Variants in BCAR3 observed in about 807,000 individuals in gnomAD.
BCAR3 encodes the protein breast cancer anti-estrogen resistance protein 3.
BCAR3 carries 37 observed loss-of-function variants against 80.1 expected under a neutral mutation model. The ratio of observed to expected loss-of-function variants is 0.46; its 90% confidence interval spans 0.36 to 0.61. BCAR3 has a LOEUF of 0.61. Among genes scored for constraint, BCAR3 ranks in the 20% least tolerant of loss-of-function variants. The pLI is 0.00. For synonymous variants in BCAR3, 389 were observed against 418.9 expected, an observed-to-expected ratio of 0.93 and a Z score of 0.87; for missense variants, 978 against 1,068.2, an observed-to-expected ratio of 0.92 and a Z score of 1.18.
intron 2 of BCAR3, among the ~76,000 whole-genome samples, chr1:93,826,263 C>T (rs528232127): frequency 1.3e-5 from 2 of 152,234 alleles, no homozygotes; most frequent in African/African-American, 4.8e-5. Flanking sequence ...CTGAAAACAC[C>T]AGGCCCACCA....
chr1:93,748,513 A>G (rs1201361476), intron 2 of BCAR3, among the ~76,000 whole-genome samples: 2 of 152,108 alleles, frequency 1.3e-5, no homozygotes, highest in Admixed American at 1.3e-4. Flanking sequence ...ATGCCATTCC[A>G]GACTGGACTT....
chr1:93,678,661 T>C (rs998479506), intron 1 of BCAR3, among the ~76,000 whole-genome samples: 2 of 152,164 alleles, frequency 1.3e-5, no homozygotes, highest in African/African-American at 4.8e-5. Context: ...GTAAGCACGC[T>C]AAGGAATATA....
chr1:93,578,795 G>A (rs572681427), intron 7 of BCAR3, among the ~76,000 whole-genome samples: 1 of 152,226 alleles, frequency 6.6e-6, no homozygotes, highest in Admixed American at 6.5e-5. Flanking sequence ...CACAGTAGGC[G>A]CTCAGTCAAA....
intron 3 of BCAR3, chr1:93,605,649 C>T (rs1674751989): frequency 1.3e-5 from 2 of 152,230 alleles, no homozygotes; most frequent in African/African-American, 4.8e-5. Flanking sequence ...GTTAATTCAA[C>T]ATCTTAATGC....
chr1:93,776,872 C>G (rs1257693226), intron 2 of BCAR3, among the ~76,000 whole-genome samples: 1 of 152,022 alleles, frequency 6.6e-6, no homozygotes, highest in South Asian at 2.1e-4. Flanking sequence ...CTATGTTCCC[C>G]AAAAGGATAT....
At chr1:93,758,250 C>T (rs4075342) in intron 2 of BCAR3, among the ~76,000 whole-genome samples, 12,934 of 152,256 alleles carry the variant, frequency 0.085, 1,076 homozygotes, top group African/African-American at 0.21. Context: ...TATAAAGCTG[C>T]GGCCTCTGGT....
intron 2 of BCAR3, among the ~76,000 whole-genome samples, chr1:93,780,560 A>G (rs200511366): frequency 0.13 from 19,797 of 147,404 alleles, 2,023 homozygotes; most frequent in African/African-American, 0.3. Context: ...ACAGGAAGTG[A>G]AGAGGAGAGG....
intron 2 of BCAR3, among the ~76,000 whole-genome samples, chr1:93,739,678 A>G (rs1020398334): frequency 2.0e-5 from 3 of 152,168 alleles, no homozygotes; most frequent in Non-Finnish European, 2.9e-5. Flanking sequence ...AGCCCTACCA[A>G]TTACGTACTC....
rs951879819 is a variant in BCAR3 at position 93,822,175 on chromosome 1, G to GT, written c.-63+23391dup. On this transcript the variant is annotated intron_variant, in intron 2 of 13. Coordinates refer to the BCAR3 transcript ENST00000370244. ...GGACATTGCAATCCATCTTTGTGAT[G>GT]TTTTTTTTTTCTTTTTTTTTTTTTG... 1.3e-3 allele frequency among the ~76,000 whole-genome samples: 183 copies of GT among 145,610 alleles called. 5 individuals are homozygous for GT. The East Asian group carries it at 0.024, about 19-fold the overall frequency.
chr1:93,625,437 A>C (rs1557627562), intron 3 of BCAR3, among the ~76,000 whole-genome samples: 1 of 152,178 alleles, frequency 6.6e-6, no homozygotes. Flanking sequence ...ATTCAGCTGG[A>C]CCACACAGAC....
Position 93,562,280 on chromosome 1 carries a change from A to T in BCAR3, c.2439T>A (p.Arg813=). The part of the protein sequence containing the change: ...KFNQILTALS[R]KLEPPPVKQA... ...GCTTTACAGGAGGAGGTTCCAATTTACGCGAGAGGGCAGTTAAAATCTGGT... is the reference window on the plus strand; with the variant it reads ...GCTTTACAGGAGGAGGTTCCAATTTTCGCGAGAGGGCAGTTAAAATCTGGT... Residue 813 remains arginine, a synonymous_variant, in exon 12 of 12, where the codon CGT becomes CGA. Coordinates refer to ENST00000260502, the MANE Select transcript of BCAR3 (RefSeq NM_003567.4). 2 of 1,614,034 alleles carry T rather than the reference A, an allele frequency of 1.2e-6. No individual in the cohort carries two copies. The highest frequency in any genetic ancestry group is 4.5e-5 in the East Asian group (2 of 44,880).
At chr1:93,764,850 G>C (rs965428198) in intron 2 of BCAR3, among the ~76,000 whole-genome samples, 1 of 152,170 alleles carries the variant, frequency 6.6e-6, no homozygotes, top group African/African-American at 2.4e-5. Context: ...TGCCTCCTAA[G>C]TGGGAGTCTG....
intron 2 of BCAR3, among the ~76,000 whole-genome samples, chr1:93,656,007 G>C (rs577605807): frequency 6.6e-6 from 1 of 152,168 alleles, no homozygotes; most frequent in African/African-American, 2.4e-5. Context: ...GTTTTCATTT[G>C]TCTAGGAGTC....
At chr1:93,775,602 T>A (rs1652518636) in intron 2 of BCAR3, among the ~76,000 whole-genome samples, 1 of 152,188 alleles carries the variant, frequency 6.6e-6, no homozygotes, top group African/African-American at 2.4e-5. Flanking sequence ...GGCAGCATTA[T>A]CTCTAAGAGG....
rs35588942 is a variant in BCAR3 at position 93,589,208 on chromosome 1, C to T, written c.698G>A (p.Cys233Tyr). Residue 233 changes from cysteine to tyrosine, a missense_variant, in exon 5 of 12, where the codon TGC becomes TAC. By Grantham distance (194) the Cys-to-Tyr change is radical. Transcript: ENST00000260502. ...SFDSIPGLVR[C>Y]YVGNRRPISQ... ...GATGGGCCGGCGGTTGCCCACGTAG[C>T]AGCGCACCAGGCCGGGGATGGAGTC... is the stretch of plus-strand genomic sequence containing the variant. The T allele has an allele frequency of 3.0e-4, 484 of 1,613,874 alleles. No individual in the cohort carries two copies. The African/African-American group carries it at 5.7e-3, about 19-fold the overall frequency.
At chr1:93,816,649 C>T (rs1355507923) in intron 2 of BCAR3, among the ~76,000 whole-genome samples, 3 of 117,626 alleles carry the variant, frequency 2.6e-5, no homozygotes, top group African/African-American at 6.8e-5. Context: ...CTAGCCTCGG[C>T]GACAGAGCTA....
chr1:93,829,405 A>G (rs1654481258), intron 2 of BCAR3, among the ~76,000 whole-genome samples: 1 of 152,122 alleles, frequency 6.6e-6, no homozygotes, highest in Non-Finnish European at 1.5e-5. Flanking sequence ...GAGATGCCAT[A>G]CTGAATGTAC....
intron 9 of BCAR3, among the ~76,000 whole-genome samples, chr1:93,568,494 T>G (rs1377104701): frequency 6.6e-6 from 1 of 152,164 alleles, no homozygotes; most frequent in Non-Finnish European, 1.5e-5. Flanking sequence ...AATTACACTC[T>G]TGTTATAATA....
intron 2 of BCAR3, among the ~76,000 whole-genome samples, chr1:93,805,795 G>A (rs1444634562): frequency 1.3e-5 from 2 of 152,182 alleles, no homozygotes; most frequent in African/African-American, 4.8e-5. Flanking sequence ...AGAGGAAATA[G>A]AGATAATTCA....
Sources: allele counts gnomAD v4.1 joint callset (sites outside exome capture counted in the v4.1 genomes callset), GRCh38; gene constraint gnomAD v4.1.1; transcripts MANE v1.5; gene names NCBI Gene and HGNC (gene_info 2026-07-23, HGNC 2026-07-21).